PCGF5: variants seen among roughly 807,000 people sequenced by gnomAD.
PCGF5 encodes polycomb group ring finger 5.
Under a neutral mutation model 44.3 loss-of-function variants are expected in PCGF5, and 9 were observed. That is an observed-to-expected ratio of 0.20 (90% CI 0.12 to 0.35). The LOEUF (loss-of-function observed/expected upper bound fraction) is 0.35. Ranked by LOEUF, PCGF5 falls within the 10% of genes least tolerant of loss-of-function variation. PCGF5 has a pLI of 1.00. For synonymous variants in PCGF5, 95 were observed against 102.5 expected, an observed-to-expected ratio of 0.93 and a Z score of 0.44; for missense variants, 146 against 305.3, an observed-to-expected ratio of 0.48 and a Z score of 3.89.
chr10:91,207,098 G>A (rs1483337070), intron 1 of PCGF5, among the ~76,000 whole-genome samples: 2 of 152,192 alleles, frequency 1.3e-5, no homozygotes, highest in African/African-American at 4.8e-5. Context: ...GAATTAGGAG[G>A]TGCATTTTCT....
At chr10:91,201,179 T>C (rs1410601950) in intron 1 of PCGF5, among the ~76,000 whole-genome samples, 1 of 152,164 alleles carries the variant, frequency 6.6e-6, no homozygotes, top group African/African-American at 2.4e-5. Flanking sequence ...GAAAGAAATG[T>C]ATTGCTTACG....
intron 6 of PCGF5, among the ~76,000 whole-genome samples, chr10:91,253,104 A>T (rs189767975): frequency 6.6e-5 from 10 of 151,880 alleles, no homozygotes; most frequent in Non-Finnish European, 1.5e-5. Context: ...GATATATGTA[A>T]GTATGTCCTA....
rs1190718302 is a variant in PCGF5 at position 91,283,926 on chromosome 10, A to G, written c.*5610A>G. On this transcript the variant is annotated 3_prime_UTR_variant, in exon 10 of 10. Coordinates refer to ENST00000336126, the MANE Select transcript of PCGF5 (RefSeq NM_032373.5). Reference sequence around the variant, plus strand: ...TGTGGTTGTAAGATTTAGCTTATAAATCATTCAAATTGAAGTGAAAGAATT... The same window carrying G: ...TGTGGTTGTAAGATTTAGCTTATAAGTCATTCAAATTGAAGTGAAAGAATT... The G allele has an allele frequency of 6.5e-6, 1 of 152,676 alleles. No individual in the cohort carries two copies. The highest frequency in any genetic ancestry group is 1.5e-5 in the Non-Finnish European group (1 of 68,036). The allele number at this position is 152,676 out of a possible 1,614,324, so 9.5% of individuals were successfully genotyped here.
chr10:91,203,695 T>C (rs1844293665), intron 1 of PCGF5, among the ~76,000 whole-genome samples: 1 of 152,198 alleles, frequency 6.6e-6, no homozygotes, highest in Non-Finnish European at 1.5e-5. Context: ...ATTACCTATA[T>C]TAATGGAAAT....
At position 91,227,637 on chromosome 10, in the gene PCGF5, A is replaced by G. The variant is rs1564640561; in HGVS notation, c.112+4654A>G. On this transcript the variant is annotated intron_variant, in intron 2 of 9. Coordinates refer to ENST00000336126, the MANE Select transcript of PCGF5 (RefSeq NM_032373.5). ...ACTGTGTCCAAGTGGTAATAATTAA[A>G]AACAGCTTACTGTCTTTATCATTAT... 8.0e-6 allele frequency: 9 copies of G among 1,127,906 alleles called. No individual in the cohort carries two copies. The East Asian group carries it at 6.2e-4, about 77-fold the overall frequency. 69.9% of individuals were successfully genotyped at this position (1,127,906 alleles called of 1,614,324 possible).
chr10:91,186,379 A>G (rs1843923578), intron 1 of PCGF5, among the ~76,000 whole-genome samples: 1 of 152,186 alleles, frequency 6.6e-6, no homozygotes, highest in Non-Finnish European at 1.5e-5. Flanking sequence ...CAAGCAAGAG[A>G]TGAAGGAATA....
At chr10:91,271,221 A>T (rs1273577471) in intron 8 of PCGF5, among the ~76,000 whole-genome samples, 1 of 152,114 alleles carries the variant, frequency 6.6e-6, no homozygotes, top group Non-Finnish European at 1.5e-5. Context: ...TCCCTCCCAG[A>T]GCTCTGATTT....
In PCGF5 at chr10:91,223,074, G is replaced by A. The variant is rs1844725038; in HGVS notation, c.112+91G>A. 3 of 825,262 alleles carry A rather than the reference G, an allele frequency of 3.6e-6. No homozygotes were observed. The African/African-American group carries it at 5.3e-5, about 15-fold the overall frequency. The allele number at this position is 825,262 out of a possible 1,614,324, so 51.1% of individuals were successfully genotyped here. Reference sequence around the variant, plus strand: ...GCCATGTTTTGTTTTTATCTATGTTGTAACTTTTAAGAAATGAGTATTCTA... The same window carrying A: ...GCCATGTTTTGTTTTTATCTATGTTATAACTTTTAAGAAATGAGTATTCTA... On this transcript the variant is annotated intron_variant, in intron 2 of 9. Transcript: ENST00000336126.
At chr10:91,271,528 A>G (rs1006703079) in intron 8 of PCGF5, 110 bp from the exon 9 acceptor site, 4 of 792,194 alleles carry the variant, frequency 5.0e-6, no homozygotes, top group South Asian at 2.4e-5. Context: ...TTTATTTACC[A>G]TTAATCATGT....
intron 1 of PCGF5, among the ~76,000 whole-genome samples, chr10:91,193,588 G>A (rs929284377): frequency 1.3e-5 from 2 of 152,136 alleles, no homozygotes; most frequent in African/African-American, 4.8e-5. Flanking sequence ...GGATGAGTAG[G>A]AGATAGGGTC....
At chr10:91,234,071 A>T (rs1845086401) in intron 2 of PCGF5, among the ~76,000 whole-genome samples, 1 of 152,218 alleles carries the variant, frequency 6.6e-6, no homozygotes, top group South Asian at 2.1e-4. Flanking sequence ...GATACATAAG[A>T]GACCTGGGTG....
At chr10:91,266,919 C>T (rs1846059850) in intron 8 of PCGF5, among the ~76,000 whole-genome samples, 1 of 152,048 alleles carries the variant, frequency 6.6e-6, no homozygotes, top group Admixed American at 6.6e-5. Flanking sequence ...TGTGCCACCA[C>T]CCTTGTCCCA....
intron 1 of PCGF5, among the ~76,000 whole-genome samples, chr10:91,195,471 C>CATATAT (rs3068529): frequency 1.2e-4 from 17 of 138,800 alleles, no homozygotes; most frequent in African/African-American, 2.8e-4. Flanking sequence ...TATATGCATG[C>CATATAT]ATATATATAT....
chr10:91,161,930 C>T (rs1166578237), upstream of PCGF5, among the ~76,000 whole-genome samples: 2 of 151,944 alleles, frequency 1.3e-5, no homozygotes, highest in Admixed American at 6.6e-5. Flanking sequence ...AGCACATGCA[C>T]ACAACTGACC....
At chr10:91,159,912 T>C (rs1310982579), upstream of PCGF5, among the ~76,000 whole-genome samples, 4 of 152,216 alleles carry the variant, frequency 2.6e-5, no homozygotes, top group Non-Finnish European at 5.9e-5. Context: ...CACTTAAAAC[T>C]GGACACGTTG....
Position 91,235,084 on chromosome 10 carries a change from A to C in PCGF5, c.113-5400A>C, listed in dbSNP as rs1429324319. On this transcript the variant is annotated intron_variant, in intron 2 of 9. Transcript: ENST00000336126. ...CCTAACGATGGTACTAGTCAGTAAG[A>C]TTTTTGTGACTACCTCCTACTCTCC... Among the ~76,000 whole-genome samples, 6 of 152,262 alleles carry C rather than the reference A, an allele frequency of 3.9e-5. No homozygotes were observed. In the East Asian group the frequency reaches 1.2e-3, roughly 29 times the overall value.
intron 7 of PCGF5, among the ~76,000 whole-genome samples, chr10:91,263,996 C>A (rs1845986981): frequency 6.6e-6 from 1 of 152,158 alleles, no homozygotes; most frequent in South Asian, 2.1e-4. Flanking sequence ...GTAACCCCTT[C>A]AAATCTCAGG....
intron 1 of PCGF5, among the ~76,000 whole-genome samples, chr10:91,198,742 A>G (rs114529560): frequency 0.045 from 6,833 of 152,302 alleles, 371 homozygotes; most frequent in African/African-American, 0.13. Context: ...AGCAATTGCC[A>G]GGATGACGTT....
chr10:91,243,215 G>T (rs901671871), intron 3 of PCGF5, among the ~76,000 whole-genome samples: 1 of 152,164 alleles, frequency 6.6e-6, no homozygotes, highest in Non-Finnish European at 1.5e-5. Flanking sequence ...GGGAGGGGAA[G>T]ATCTTTACCA....
Sources: gnomAD v4.1 joint callset for allele counts (sites outside exome capture counted in the v4.1 genomes callset) on GRCh38, gnomAD v4.1.1 for gene constraint, MANE v1.5 for transcripts, NCBI Gene and HGNC (gene_info 2026-07-23, HGNC 2026-07-21) for gene names.